Variants in IQSEC1 observed in about 807,000 individuals in gnomAD.
IQSEC1 encodes the protein IQ motif and SEC7 domain-containing protein 1.
Under a neutral mutation model 91.0 loss-of-function variants are expected in IQSEC1, and 31 were observed. The ratio of observed to expected loss-of-function variants is 0.34; its 90% CI spans 0.26 to 0.46. IQSEC1 has a LOEUF of 0.46. Among genes scored for constraint, IQSEC1 ranks in the 20% least tolerant of loss-of-function variants. The pLI, the probability that IQSEC1 is intolerant of heterozygous loss-of-function variation, is 1.00. For missense variants in IQSEC1, 1,388 were observed against 1,575.6 expected (o/e 0.88, Z 2.02); for synonymous variants, 699 against 662.6 (o/e 1.05, Z -0.84).
chr3:12,974,622 A>G (rs1352278494), intron 1 of IQSEC1, among the ~76,000 whole-genome samples: 1 of 152,252 alleles, frequency 6.6e-6, no homozygotes, highest in Non-Finnish European at 1.5e-5. Flanking sequence ...GGGCAAGACA[A>G]CTTCAGGAGG....
intron 1 of IQSEC1, among the ~76,000 whole-genome samples, chr3:13,279,870 T>C (rs1695756629): frequency 6.6e-6 from 1 of 152,150 alleles, no homozygotes; most frequent in South Asian, 2.1e-4. Flanking sequence ...AACCCCCACC[T>C]AGCCTCTGGG....
At chr3:13,133,727 G>T (rs1706659689) in intron 2 of IQSEC1, among the ~76,000 whole-genome samples, 1 of 152,222 alleles carries the variant, frequency 6.6e-6, no homozygotes, top group Non-Finnish European at 1.5e-5. Flanking sequence ...ACTATAAACT[G>T]CAAATGCTTT....
rs1470590790 is a variant in IQSEC1 at position 12,967,991 on chromosome 3, T to G, written c.24-26126A>C. The stretch of plus-strand genomic sequence containing the variant: ...AGCGCAAGGGCGGAGTCCCAGACAC[T>G]GCATCCAGGTCCCAGCGCGCGAAGC... On this transcript the variant is annotated intron_variant, in intron 1 of 13. Transcript: ENST00000613206. The surrounding 1 kb of genome is among the most constrained non-coding windows in gnomAD (Gnocchi z 5.9). 6.6e-6 allele frequency among the ~76,000 whole-genome samples: 1 copy of G among 152,172 alleles called. No homozygotes were observed. The highest frequency in any genetic ancestry group is 1.5e-5 in the Non-Finnish European group (1 of 68,012).
chr3:13,269,315 T>C (rs1299406762), intron 1 of IQSEC1, among the ~76,000 whole-genome samples: 1 of 152,246 alleles, frequency 6.6e-6, no homozygotes, highest in Non-Finnish European at 1.5e-5. Context: ...TCTCAGTGAC[T>C]GCAGCCATCC....
chr3:12,932,083 C>A (rs1040441705), intron 3 of IQSEC1, among the ~76,000 whole-genome samples: 1 of 152,172 alleles, frequency 6.6e-6, no homozygotes, highest in African/African-American at 2.4e-5. Context: ...TGGGCTCATT[C>A]CAGGGAGGAA....
chr3:13,193,784 C>T lies in IQSEC1; in HGVS notation c.273-29651G>A, dbSNP rs1694077130. 6.6e-6 allele frequency among the ~76,000 whole-genome samples: 1 copy of T among 152,194 alleles called. No individual in the cohort carries two copies. The highest frequency in any genetic ancestry group is 2.1e-4 in the South Asian group (1 of 4,832). ...GTCCCACTTCCCCCGGCCCCACACC[C>T]TCCTGCCTGCACCTGCTCACACCCA... On this transcript the variant is annotated intron_variant, in intron 1 of 15. Transcript: ENST00000648114. This position sits in a 1 kb window ranked among gnomAD's most constrained non-coding sequence, Gnocchi z 4.2.
intron 1 of IQSEC1, among the ~76,000 whole-genome samples, chr3:12,993,335 T>C (rs1369002596): frequency 1.3e-5 from 2 of 152,038 alleles, no homozygotes; most frequent in African/African-American, 2.4e-5. Context: ...CCAAAGCTTC[T>C]CCCTCCCTCC....
intron 1 of IQSEC1, among the ~76,000 whole-genome samples, chr3:12,998,538 C>G (rs1254986849): frequency 1.3e-5 from 2 of 152,086 alleles, no homozygotes; most frequent in African/African-American, 4.8e-5. Context: ...GTAATCCCAG[C>G]TGCTCAGGAC....
At chr3:13,123,934 T>G (rs1706468331) in intron 2 of IQSEC1, among the ~76,000 whole-genome samples, 1 of 152,258 alleles carries the variant, frequency 6.6e-6, no homozygotes, top group African/African-American at 2.4e-5. Context: ...CGGCTTGCTT[T>G]TGTAAATAAA....
intron 1 of IQSEC1, among the ~76,000 whole-genome samples, chr3:13,205,870 A>C: frequency 7.2e-6 from 1 of 139,382 alleles, no homozygotes; most frequent in Admixed American, 7.1e-5. Context: ...CCCTTCATCC[A>C]CTCATCGATC....
At chr3:13,109,161 C>G (rs1439704448) in intron 2 of IQSEC1, among the ~76,000 whole-genome samples, 14 of 152,198 alleles carry the variant, frequency 9.2e-5, no homozygotes, top group Admixed American at 9.2e-4. Flanking sequence ...GAGGGACTGG[C>G]ATGCGCAATG....
At chr3:12,968,272 A>G (rs1405548215) in intron 1 of IQSEC1, among the ~76,000 whole-genome samples, 1 of 152,060 alleles carries the variant, frequency 6.6e-6, no homozygotes, top group Non-Finnish European at 1.5e-5. Context: ...AATGGGCCCT[A>G]TCCTGAGGTT....
At chr3:13,052,392 T>C (rs920200865) in intron 1 of IQSEC1, among the ~76,000 whole-genome samples, 2 of 152,254 alleles carry the variant, frequency 1.3e-5, no homozygotes, top group Non-Finnish European at 2.9e-5. Flanking sequence ...TCTGCCTCTC[T>C]GCTGAGCAGT....
chr3:12,915,113 C>T lies in IQSEC1; in HGVS notation c.2181G>A (p.Gly727=). 6.2e-7 allele frequency: 1 copy of T among 1,608,410 alleles called. No homozygotes were observed. The highest frequency in any genetic ancestry group is 8.5e-7 in the Non-Finnish European group (1 of 1,176,938). Residue 727 remains glycine, a synonymous_variant, in exon 8 of 14, where the codon GGG becomes GGA. Coordinates refer to ENST00000613206, the MANE Select transcript of IQSEC1 (RefSeq NM_001134382.3). ...GKKPIGSLHP[G]LGCVLSLPHR... ...CCAGAGAAATACTCACACAGCCGAG[C>T]CCGGGATGCAGGGATCCGATCTGCG... is the stretch of plus-strand genomic sequence containing the variant.
At chr3:13,059,051 G>A (rs370720746) in intron 1 of IQSEC1, among the ~76,000 whole-genome samples, 10 of 152,122 alleles carry the variant, frequency 6.6e-5, no homozygotes, top group African/African-American at 1.7e-4. Flanking sequence ...CCTCTCCTGC[G>A]GTAGCCATCT....
At chr3:12,957,551 G>A (rs533881623) in intron 1 of IQSEC1, among the ~76,000 whole-genome samples, 1 of 152,354 alleles carries the variant, frequency 6.6e-6, no homozygotes, top group South Asian at 2.1e-4. Context: ...AGCAGAGAGA[G>A]CTAGGCTGGG....
chr3:12,993,407 C>G (rs1468457835), intron 1 of IQSEC1, among the ~76,000 whole-genome samples: 1 of 151,836 alleles, frequency 6.6e-6, no homozygotes, highest in Non-Finnish European at 1.5e-5. Flanking sequence ...CGCTCGCAGG[C>G]TCGGGACCCT....
At chr3:13,244,436 T>C (rs1695074451) in intron 1 of IQSEC1, among the ~76,000 whole-genome samples, 1 of 152,234 alleles carries the variant, frequency 6.6e-6, no homozygotes, top group Non-Finnish European at 1.5e-5. Flanking sequence ...CCAGTGATTG[T>C]CGGTATATGT....
Position 13,211,314 on chromosome 3 carries a change from G to T in IQSEC1, c.273-47181C>A, listed in dbSNP as rs1308805774. ...TTCTTGGCAGCGAGCTCTTCATCCT[G>T]TTGCTCCTGAACCCAGGACTTCTAA... On this transcript the variant is annotated intron_variant, in intron 1 of 15. Coordinates refer to the IQSEC1 transcript ENST00000648114. This position sits in a 1 kb window ranked among gnomAD's most constrained non-coding sequence, Gnocchi z 5.3. Among the ~76,000 whole-genome samples, 1 of 152,188 alleles carries T rather than the reference G, an allele frequency of 6.6e-6. No homozygotes were observed. The highest frequency in any genetic ancestry group is 1.5e-5 in the Non-Finnish European group (1 of 68,030).
Sources: gnomAD v4.1 joint callset for allele counts (sites outside exome capture counted in the v4.1 genomes callset) on GRCh38, gnomAD v4.1.1 for gene constraint, Gnocchi (gnomAD v3.1) non-coding constraint, MANE v1.5 for transcripts, NCBI Gene and HGNC (gene_info 2026-07-23, HGNC 2026-07-21) for gene names.